The following TIMM17A variants were observed in gnomAD, a reference collection of about 807,000 sequenced individuals.
TIMM17A encodes translocase of inner mitochondrial membrane 17A.
TIMM17A carries 15 observed loss-of-function variants against 26.5 expected under a neutral mutation model. The ratio of observed to expected loss-of-function variants is 0.57; its 90% confidence interval spans 0.38 to 0.87. TIMM17A has a LOEUF of 0.87. TIMM17A is among the 40% of genes least tolerant of loss of function. The pLI, the probability that TIMM17A is intolerant of heterozygous loss-of-function variation, is 0.00. For synonymous variants in TIMM17A, 80 were observed against 70.8 expected (o/e 1.13, Z -0.66); for missense variants, 201 against 210.0 (o/e 0.96, Z 0.27).
rs533165012 is a variant in TIMM17A, at chr1:201,964,884, G to A, written c.320-549G>A. Among the ~76,000 whole-genome samples, 755 of 150,294 alleles carry A rather than the reference G, an allele frequency of 5.0e-3. 1 individual carries two copies. The highest frequency in any genetic ancestry group is 8.4e-3 in the Non-Finnish European group (569 of 67,608). ...AGGATGGTCTCGATCTCCTGACCTCGTAATCCACCCACCTCGGCCTCCCAA... is the reference window on the plus strand; with the variant it reads ...AGGATGGTCTCGATCTCCTGACCTCATAATCCACCCACCTCGGCCTCCCAA... On this transcript the variant is annotated intron_variant, in intron 4 of 5. Coordinates refer to ENST00000367287, the MANE Select transcript of TIMM17A (RefSeq NM_006335.3).
Position 201,957,559 on chromosome 1 carries a change from G to C in TIMM17A, c.175G>C (p.Ala59Pro), listed in dbSNP as rs375906355. The change falls in exon 3 of 6, where the codon GCT (alanine) becomes CCT (proline). Residue 59 changes from alanine to proline, a missense_variant. By Grantham distance (27) the Ala-to-Pro change is conservative. Coordinates refer to ENST00000367287, the MANE Select transcript of TIMM17A (RefSeq NM_006335.3). Reference sequence around the variant, plus strand: ...GAGTTTGACAGCTATTAAAACCAGGGCTCCACAGTTAGGAGGTAAGCAGAA... The same window carrying C: ...GAGTTTGACAGCTATTAAAACCAGGCCTCCACAGTTAGGAGGTAAGCAGAA... ...RGSLTAIKTR[A>P]PQLGGSFAVW... The C allele has an allele frequency of 1.2e-6, 2 of 1,613,328 alleles. 1 individual carries two copies. The highest frequency in any genetic ancestry group is 2.2e-5 in the South Asian group (2 of 90,942).
At position 201,969,713 on chromosome 1, in the gene TIMM17A, C is replaced by T. The variant is rs371075826; in HGVS notation, c.*159C>T. 1,047 of 536,680 alleles carry T rather than the reference C, an allele frequency of 2.0e-3. No homozygotes were observed. Among genetic ancestry groups the T allele is most frequent in the Non-Finnish European group, 3.0e-3 (900 of 302,236 alleles). 33.2% of individuals were successfully genotyped at this position (536,680 alleles called of 1,614,324 possible). A position where few individuals can be genotyped will look rare whatever the true frequency, so the allele number is the denominator to read the frequency against. ...ACTTTTTTCTATTTAAAGGAACAAG[C>T]GGGGAAGGGTGCTAAAAGATAATAC... On this transcript the variant is annotated 3_prime_UTR_variant, in exon 6 of 6. Coordinates refer to ENST00000367287, the MANE Select transcript of TIMM17A (RefSeq NM_006335.3).
chr1:201,963,433 C>T (rs1682570317), intron 3 of TIMM17A, 183 bp from the exon 4 acceptor site: 2 of 610,994 alleles, frequency 3.3e-6, no homozygotes, highest in Non-Finnish European at 5.5e-6. Flanking sequence ...ATAATACAAT[C>T]CAGCTTTATT....
chr1:201,967,854 A>G (rs1682663519), intron 5 of TIMM17A, among the ~76,000 whole-genome samples: 2 of 151,914 alleles, frequency 1.3e-5, no homozygotes, highest in African/African-American at 4.8e-5. Context: ...CCTTTTTAGT[A>G]ATTAAAACTC....
At position 201,969,598 on chromosome 1, in the gene TIMM17A, G is replaced by A. The variant is rs755367381; in HGVS notation, c.*44G>A. On this transcript the variant is annotated 3_prime_UTR_variant, in exon 6 of 6. Coordinates refer to ENST00000367287, the MANE Select transcript of TIMM17A (RefSeq NM_006335.3). Reference sequence around the variant, plus strand: ...TCTTTAACAGAACGAGTTGTGGTTCGAGAAGGATTTCAGAAGATCAAGTTA... The same window carrying A: ...TCTTTAACAGAACGAGTTGTGGTTCAAGAAGGATTTCAGAAGATCAAGTTA... 15 of 1,517,160 alleles carry A rather than the reference G, an allele frequency of 9.9e-6. No homozygotes were observed. Among genetic ancestry groups the A allele is most frequent in the South Asian group, 3.4e-5 (3 of 88,166 alleles). 94.0% of individuals were successfully genotyped at this position (1,517,160 alleles called of 1,614,324 possible). A position where few individuals can be genotyped will look rare whatever the true frequency, so the allele number is the denominator to read the frequency against.
At chr1:201,957,461 A>G (rs750825781) in intron 2 of TIMM17A, 50 bp from the exon 3 acceptor site, 6 of 1,602,684 alleles carry the variant, frequency 3.7e-6, no homozygotes, top group Non-Finnish European at 5.1e-6. Context: ...TCAGTGGCTT[A>G]GAAATGTACT....
intron 5 of TIMM17A, 46 bp downstream of exon 5, chr1:201,965,589 T>C: frequency 1.7e-6 from 2 of 1,189,614 alleles, no homozygotes; most frequent in Non-Finnish European, 2.5e-6. Flanking sequence ...TTTGGAATGG[T>C]TTTCTGATGT....
chr1:201,964,382 A>G (rs1211197137), intron 4 of TIMM17A, among the ~76,000 whole-genome samples: 1 of 152,100 alleles, frequency 6.6e-6, no homozygotes, highest in Non-Finnish European at 1.5e-5. Context: ...ATGAATAAGG[A>G]ACTTAGAACC....
intron 4 of TIMM17A, among the ~76,000 whole-genome samples, chr1:201,964,816 T>C (rs1000398304): frequency 3.0e-4 from 44 of 146,670 alleles, no homozygotes; most frequent in African/African-American, 1.1e-3. Flanking sequence ...GCCTGGCTAA[T>C]TTTTTGTATT....
chr1:201,964,897 C>T (rs1220464626), intron 4 of TIMM17A, among the ~76,000 whole-genome samples: 1 of 151,612 alleles, frequency 6.6e-6, no homozygotes, highest in Non-Finnish European at 1.5e-5. Flanking sequence ...ATCCACCCAC[C>T]TCGGCCTCCC....
chr1:201,968,588 C>T lies in TIMM17A; in HGVS notation c.431-881C>T, dbSNP rs79126898. Among the ~76,000 whole-genome samples, 314 of 151,482 alleles carry T rather than the reference C, an allele frequency of 2.1e-3. 1 individual carries two copies. The highest frequency in any genetic ancestry group is 7.0e-3 in the African/African-American group (290 of 41,278). The stretch of plus-strand genomic sequence containing the variant: ...CATATTTTCAGTAGAGACGGGGTTT[C>T]GCCATGTTGTCCTGACCTCAGGTGA... On this transcript the variant is annotated intron_variant, in intron 5 of 5. Transcript: ENST00000367287.
intron 1 of TIMM17A, among the ~76,000 whole-genome samples, chr1:201,956,115 C>T (rs1014279686): frequency 2.0e-5 from 3 of 152,022 alleles, no homozygotes; most frequent in Non-Finnish European, 4.4e-5. Context: ...TCTTGGAATT[C>T]TTTCTTGAGG....
intron 1 of TIMM17A, among the ~76,000 whole-genome samples, chr1:201,956,370 G>A (rs1682409100): frequency 6.6e-6 from 1 of 152,176 alleles, no homozygotes; most frequent in South Asian, 2.1e-4. Context: ...GTTTTATTGT[G>A]TAAGAGCAAC....
At chr1:201,965,310 C>T in intron 4 of TIMM17A, 123 bp from the exon 5 acceptor site, 1 of 682,818 alleles carries the variant, frequency 1.5e-6, no homozygotes, top group Non-Finnish European at 2.6e-6. Context: ...GGGTCTTAGG[C>T]AATAAGAAAG....
intron 5 of TIMM17A, among the ~76,000 whole-genome samples, chr1:201,968,286 C>T (rs10920285): frequency 0.32 from 49,210 of 151,652 alleles, 8,544 homozygotes; most frequent in South Asian, 0.49. Flanking sequence ...TGAGCCATCG[C>T]GCCCAGCAAA....
At chr1:201,958,450 C>A (rs988487560) in intron 3 of TIMM17A, among the ~76,000 whole-genome samples, 1 of 152,254 alleles carries the variant, frequency 6.6e-6, no homozygotes, top group African/African-American at 2.4e-5. Context: ...CGCCAATAAT[C>A]CCAGCAGTTT....
At chr1:201,965,085 G>A (rs761039082) in intron 4 of TIMM17A, among the ~76,000 whole-genome samples, 2 of 151,984 alleles carry the variant, frequency 1.3e-5, no homozygotes, top group Non-Finnish European at 2.9e-5. Flanking sequence ...CTGAGAAGCT[G>A]GGACTACAGG....
Position 201,965,548 on chromosome 1 carries a change from G to C in TIMM17A, c.430+5G>C. ...CCTCTGCACAGTTTCCCAATGGTGA[G>C]TCTTTTTGCTTAAAACTATAGCTCA... On this transcript the variant is annotated splice_donor_5th_base_variant and intron_variant, in intron 5 of 5. Transcript: ENST00000367287. 6.4e-7 allele frequency: 1 copy of C among 1,570,292 alleles called. No individual in the cohort carries two copies.
intron 5 of TIMM17A, among the ~76,000 whole-genome samples, chr1:201,966,161 A>G (rs1476566814): frequency 6.6e-6 from 1 of 152,154 alleles, no homozygotes; most frequent in Admixed American, 6.5e-5. Flanking sequence ...GCATAGGGTA[A>G]TAATTAAATT....
Sources: allele counts gnomAD v4.1 joint callset (sites outside exome capture counted in the v4.1 genomes callset), GRCh38; gene constraint gnomAD v4.1.1; transcripts MANE v1.5; gene names NCBI Gene and HGNC (gene_info 2026-07-23, HGNC 2026-07-21).